CFHR4: variants seen among roughly 807,000 people sequenced by gnomAD.
The protein encoded by CFHR4 is complement factor H related 4.
Under a neutral mutation model 69.3 loss-of-function variants are expected in CFHR4, and 64 were observed. The observed-to-expected ratio is 0.92, with a 90% confidence interval of 0.76 to 1.14. The LOEUF (loss-of-function observed/expected upper bound fraction) is 1.14, where lower values mean the gene tolerates loss of function less well. Among genes scored for constraint, CFHR4 ranks in the 50% most tolerant of loss-of-function variants. The pLI, the probability that CFHR4 is intolerant of heterozygous loss-of-function variation, is 0.00. For synonymous variants in CFHR4, 244 were observed against 237.0 expected, an observed-to-expected ratio of 1.03 and a Z score of -0.27; for missense variants, 636 against 684.9, an observed-to-expected ratio of 0.93 and a Z score of 0.80.
At position 196,899,070 on chromosome 1, in the gene CFHR4, C is replaced by T. The variant is rs1445222121; in HGVS notation, c.59-3348C>T. 3.3e-5 allele frequency among the ~76,000 whole-genome samples: 5 copies of T among 151,684 alleles called. 1 individual carries two copies. The highest frequency in any genetic ancestry group is 9.7e-5 in the African/African-American group (4 of 41,214). On this transcript the variant is annotated intron_variant, in intron 1 of 9. Transcript: ENST00000608469. ...ACAACAAGTGGAGGAGAATTAGGCT[C>T]CACTATTTTGAGGAAGGAGTATTGA...
intron 3 of CFHR4, 84 bp downstream of exon 3, chr1:196,905,374 A>G: frequency 6.4e-7 from 1 of 1,554,288 alleles, no homozygotes. Context: ...AAAAAGATAG[A>G]AAACACTTTT....
At chr1:196,912,029 C>A (rs1206308081) in intron 6 of CFHR4, among the ~76,000 whole-genome samples, 1 of 151,212 alleles carries the variant, frequency 6.6e-6, no homozygotes, top group East Asian at 1.9e-4. Flanking sequence ...TAGAAAAGAA[C>A]ATATACATTA....
rs1262809970 is a variant in CFHR4, at chr1:196,902,455, A to G, written c.96A>G (p.Gly32=). The G allele has an allele frequency of 2.5e-6, 4 of 1,610,362 alleles. No homozygotes were observed. Among genetic ancestry groups the G allele is most frequent in the Non-Finnish European group, 3.4e-6 (4 of 1,178,366 alleles). The part of the protein sequence containing the change: ...KPCDFPEIQH[G]GLYYKSLRRL... Reference sequence around the variant, plus strand: ...GTGATTTTCCAGAAATTCAACATGGAGGTCTATATTATAAGAGTTTGCGTA... The same window carrying G: ...GTGATTTTCCAGAAATTCAACATGGGGGTCTATATTATAAGAGTTTGCGTA... Residue 32 remains glycine (G), a synonymous_variant, in exon 2 of 10, where the codon GGA becomes GGG. Coordinates refer to ENST00000608469, the MANE Select transcript of CFHR4 (RefSeq NM_001201550.3).
At chr1:196,906,530 C>T (rs960493907) in intron 3 of CFHR4, among the ~76,000 whole-genome samples, 3 of 151,364 alleles carry the variant, frequency 2.0e-5, no homozygotes, top group Non-Finnish European at 4.4e-5. Flanking sequence ...AAAATTTTAT[C>T]TTCTTTAAAA....
intron 1 of CFHR4, 63 bp from the exon 2 acceptor site, chr1:196,902,355 T>A (rs1657660932): frequency 1.4e-5 from 16 of 1,123,784 alleles, no homozygotes; most frequent in Non-Finnish European, 1.8e-5. Context: ...ATCAAAAATG[T>A]CATATATGAT....
intron 5 of CFHR4, among the ~76,000 whole-genome samples, chr1:196,910,051 C>A (rs910990459): frequency 7.4e-5 from 11 of 148,652 alleles, no homozygotes; most frequent in Non-Finnish European, 3.0e-5. Context: ...ACTCAGGAGA[C>A]TGAGGCAGGA....
intron 1 of CFHR4, among the ~76,000 whole-genome samples, chr1:196,902,045 A>G (rs555912753): frequency 1.3e-5 from 2 of 151,584 alleles, no homozygotes; most frequent in East Asian, 1.9e-4. Flanking sequence ...CTCCCACTCT[A>G]GAGTTGGTCT....
Position 196,913,817 on chromosome 1 carries a change from G to A in CFHR4, c.1181-678G>A, listed in dbSNP as rs191634035. Reference sequence around the variant, plus strand: ...ACATGGATGACTCTCAAAAATACTAGGCTAAGTGAGAAAAAAGAAAGACAC... The same window carrying A: ...ACATGGATGACTCTCAAAAATACTAAGCTAAGTGAGAAAAAAGAAAGACAC... On this transcript the variant is annotated intron_variant, in intron 7 of 9. Coordinates refer to ENST00000608469, the MANE Select transcript of CFHR4 (RefSeq NM_001201550.3). 3.3e-3 allele frequency among the ~76,000 whole-genome samples: 497 copies of A among 151,338 alleles called. 16 individuals carry two copies. The highest frequency in any genetic ancestry group is 0.011 in the African/African-American group (464 of 41,090).
chr1:196,916,841 CTT>C (rs1658666088), intron 9 of CFHR4, among the ~76,000 whole-genome samples: 1 of 151,438 alleles, frequency 6.6e-6, no homozygotes, highest in Admixed American at 6.6e-5. Flanking sequence ...ACAAGCAAGA[CTT>C]TCAGTCTTCA....
chr1:196,914,909 CA>C, intron 8 of CFHR4, 46 bp from the exon 9 acceptor site: 2 of 1,587,786 alleles, frequency 1.3e-6, no homozygotes, highest in Non-Finnish European at 1.7e-6. Flanking sequence ...AGAAAGTTTC[CA>C]ATAAGACTAT....
Position 196,907,295 on chromosome 1 carries a change from ATGTAAAGTATTT to A in CFHR4, c.617-19_617-8del. ...CAATAAAACTGTTGATTTTTCCCCA[ATGTAAAGTATTT>A]TTTTTCAGATTCTTCAGAAAACTGT... On this transcript the variant is annotated splice_polypyrimidine_tract_variant and intron_variant, in intron 4 of 9. Coordinates refer to ENST00000608469, the MANE Select transcript of CFHR4 (RefSeq NM_001201550.3). 1 of 1,593,806 alleles carries A rather than the reference ATGTAAAGTATTT, an allele frequency of 6.3e-7. No individual in the cohort carries two copies. The highest frequency in any genetic ancestry group is 8.6e-7 in the Non-Finnish European group (1 of 1,162,892).
At chr1:196,906,759 C>A in intron 3 of CFHR4, 102 bp from the exon 4 acceptor site, 2 of 1,233,412 alleles carry the variant, frequency 1.6e-6, no homozygotes, top group South Asian at 3.3e-5. Context: ...AATTTATTAG[C>A]ACACACTGAT....
intron 9 of CFHR4, among the ~76,000 whole-genome samples, chr1:196,918,001 G>C (rs777920576): frequency 2.0e-5 from 3 of 151,596 alleles, no homozygotes; most frequent in Non-Finnish European, 4.4e-5. Flanking sequence ...CACCTCACCT[G>C]ATGATCTCTG....
chr1:196,902,463 A>C lies in CFHR4; in HGVS notation c.104A>C (p.Tyr35Ser). The C allele has an allele frequency of 6.2e-7, 1 of 1,611,944 alleles. No homozygotes were observed. Among genetic ancestry groups the C allele is most frequent in the Non-Finnish European group, 8.5e-7 (1 of 1,178,936 alleles). The change falls in exon 2 of 10, where the codon TAT becomes TCT. Residue 35 changes from tyrosine (Y) to serine (S), a missense_variant. Coordinates refer to ENST00000608469, the MANE Select transcript of CFHR4 (RefSeq NM_001201550.3). ...DFPEIQHGGL[Y>S]YKSLRRLYFP... is the part of the protein sequence containing the mutation. ...CCAGAAATTCAACATGGAGGTCTAT[A>C]TTATAAGAGTTTGCGTAGACTATAC...
At chr1:196,901,363 T>C (rs1225497734) in intron 1 of CFHR4, among the ~76,000 whole-genome samples, 1 of 151,284 alleles carries the variant, frequency 6.6e-6, no homozygotes, top group East Asian at 1.9e-4. Flanking sequence ...ACTTAAGAGA[T>C]GCAAGAATTC....
At chr1:196,909,988 C>A (rs1441867621) in intron 5 of CFHR4, among the ~76,000 whole-genome samples, 1 of 150,726 alleles carries the variant, frequency 6.6e-6, no homozygotes, top group East Asian at 1.9e-4. Context: ...TCTGTGTCTA[C>A]TAAAATTACA....
At position 196,901,054 on chromosome 1, in the gene CFHR4, G is replaced by C. The variant is rs150498343; in HGVS notation, c.59-1364G>C. Among the ~76,000 whole-genome samples, 66 of 151,554 alleles carry C rather than the reference G, an allele frequency of 4.4e-4. 3 individuals carry two copies. Among genetic ancestry groups the C allele is most frequent in the African/African-American group, 1.5e-3 (60 of 41,186 alleles). ...AAATAGATTGATGAACGCCAGATGT[G>C]TTAAAGACAAATTATTCATCTGACA... is the stretch of plus-strand genomic sequence containing the variant. On this transcript the variant is annotated intron_variant, in intron 1 of 9. Transcript: ENST00000608469.
At chr1:196,914,417 C>G (rs1034933618) in intron 7 of CFHR4, 78 bp from the exon 8 acceptor site, 32 of 1,433,550 alleles carry the variant, frequency 2.2e-5, no homozygotes, top group Non-Finnish European at 2.9e-5. Context: ...TAAATTTTAT[C>G]CCTACAATGG....
chr1:196,904,235 C>A (rs538765138), intron 2 of CFHR4, among the ~76,000 whole-genome samples: 7 of 151,512 alleles, frequency 4.6e-5, no homozygotes, highest in Non-Finnish European at 8.8e-5. Context: ...ACGAGAGAAA[C>A]TGAATACTGT....
Sources: allele counts gnomAD v4.1 joint callset (sites outside exome capture counted in the v4.1 genomes callset), GRCh38; gene constraint gnomAD v4.1.1; transcripts MANE v1.5; gene names NCBI Gene and HGNC (gene_info 2026-07-23, HGNC 2026-07-21).